The following AREL1 variants were observed in gnomAD, a reference collection of about 807,000 sequenced individuals.
AREL1 encodes apoptosis-resistant E3 ubiquitin protein ligase 1.
AREL1 carries 62 observed loss-of-function variants against 99.0 expected under a neutral mutation model. That is an observed-to-expected ratio of 0.63 (90% CI 0.51 to 0.77). AREL1 has a LOEUF of 0.77. AREL1 is among the 30% of genes least tolerant of loss of function. The pLI is 0.00. For missense variants in AREL1, 879 were observed against 1,027.6 expected (o/e 0.86, Z 1.98); for synonymous variants, 380 against 376.5 (o/e 1.01, Z -0.11).
intron 5 of AREL1, among the ~76,000 whole-genome samples, chr14:74,679,309 C>A (rs1254541804): frequency 6.6e-6 from 1 of 151,890 alleles, no homozygotes; most frequent in African/African-American, 2.4e-5. Context: ...ACAGTCCCAG[C>A]AACTTGGGAG....
intron 5 of AREL1, among the ~76,000 whole-genome samples, chr14:74,679,106 C>T (rs561633129): frequency 2.0e-4 from 31 of 152,274 alleles, no homozygotes; most frequent in African/African-American, 7.5e-4. Flanking sequence ...CACTATGTTG[C>T]CCAGGCCGGT....
Position 74,672,726 on chromosome 14 carries a change from C to T in AREL1, c.1422+105G>A, listed in dbSNP as rs2089377746. 3 of 1,491,792 alleles carry T rather than the reference C, an allele frequency of 2.0e-6. No individual in the cohort carries two copies. In the Admixed American group the frequency reaches 5.5e-5, roughly 27 times the overall value. The allele number at this position is 1,491,792 out of a possible 1,614,324, so 92.4% of individuals were successfully genotyped here. A position where few individuals can be genotyped will look rare whatever the true frequency, so the allele number is the denominator to read the frequency against. The stretch of plus-strand genomic sequence containing the variant: ...CCCCAGCCTGGGCAATAGAGTGAGA[C>T]CCTATCTCCCAAACAAAAACAAAAA... On this transcript the variant is annotated intron_variant, in intron 11 of 19. Coordinates refer to ENST00000356357, the MANE Select transcript of AREL1 (RefSeq NM_001039479.2).
chr14:74,712,850 C>T, intron 1 of AREL1, 83 bp downstream of exon 1: 1 of 466,982 alleles, frequency 2.1e-6, no homozygotes, highest in Non-Finnish European at 4.0e-6. Flanking sequence ...CTGAACCCCC[C>T]TACCCTTTTC....
At position 74,673,093 on chromosome 14, in the gene AREL1, G is replaced by C. The variant is rs1359325029; in HGVS notation, c.1284C>G (p.Ser428=). 1.2e-6 allele frequency: 2 copies of C among 1,614,154 alleles called. No homozygotes were observed. Among genetic ancestry groups the C allele is most frequent in the Non-Finnish European group, 1.7e-6 (2 of 1,180,016 alleles). ...TAACCTCACCTATGTTCTTATGCAG[G>C]GAGCGGATAAAAGTGGCTGCTAGAA... The part of the protein sequence containing the change: ...RNILAATFIR[S]LHKNIGGSET... Residue 428 remains serine (S), a synonymous_variant, in exon 10 of 20, where the codon TCC becomes TCG. Transcript: ENST00000356357.
intron 5 of AREL1, among the ~76,000 whole-genome samples, 169 bp from the exon 6 acceptor site, chr14:74,676,921 C>T (rs929255215): frequency 3.3e-5 from 5 of 151,984 alleles, no homozygotes; most frequent in South Asian, 2.1e-4. Context: ...CTCAGCCTCC[C>T]GAGTAGCTGG....
intron 5 of AREL1, among the ~76,000 whole-genome samples, chr14:74,678,898 C>A (rs2089560214): frequency 6.6e-6 from 1 of 152,084 alleles, no homozygotes; most frequent in African/African-American, 2.4e-5. Flanking sequence ...GGATTTCTTT[C>A]TTTCTTTTTT....
rs770255987 is a variant in AREL1, at chr14:74,713,060, T to G, written c.-461A>C. 1 of 1,540,396 alleles carries G rather than the reference T, an allele frequency of 6.5e-7. No individual in the cohort carries two copies. The highest frequency in any genetic ancestry group is 9.0e-7 in the Non-Finnish European group (1 of 1,113,930). ...CCCCAGAGTTGGTCTCCACCCGGCCTGGGAACCGGCTCGGGGGATTGCCCT... is the reference window on the plus strand; with the variant it reads ...CCCCAGAGTTGGTCTCCACCCGGCCGGGGAACCGGCTCGGGGGATTGCCCT... On this transcript the variant is annotated 5_prime_UTR_variant, in exon 1 of 20. Coordinates refer to ENST00000356357, the MANE Select transcript of AREL1 (RefSeq NM_001039479.2).
chr14:74,672,485 C>T (rs2089371453), intron 11 of AREL1, among the ~76,000 whole-genome samples: 1 of 152,014 alleles, frequency 6.6e-6, no homozygotes, highest in Admixed American at 6.6e-5. Context: ...GCCTGTAATC[C>T]CAACACTTTG....
chr14:74,661,409 T>C lies in AREL1; in HGVS notation c.*2311A>G, dbSNP rs2089073658. On this transcript the variant is annotated 3_prime_UTR_variant, in exon 20 of 20. Coordinates refer to ENST00000356357, the MANE Select transcript of AREL1 (RefSeq NM_001039479.2). ...TGACACTCTCCTAGGTATTCACTCA[T>C]GTCTGGTCTCCTTCAAAGACGCTAA... is the stretch of plus-strand genomic sequence containing the variant. 6.8e-6 allele frequency: 3 copies of C among 442,836 alleles called. No individual in the cohort carries two copies. Among genetic ancestry groups the C allele is most frequent in the South Asian group, 1.6e-5 (1 of 62,418 alleles). 27.4% of individuals were successfully genotyped at this position (442,836 alleles called of 1,614,324 possible).
At position 74,663,451 on chromosome 14, in the gene AREL1, A is replaced by C; in HGVS notation, c.*269T>G. 2.2e-6 allele frequency: 1 copy of C among 463,262 alleles called. No homozygotes were observed. The highest frequency in any genetic ancestry group is 2.2e-5 in the South Asian group (1 of 46,314). 28.7% of individuals were successfully genotyped at this position (463,262 alleles called of 1,614,324 possible). ...CAGCTACTGAGATCTTCAAAGGACC[A>C]AATAAATGATAGCAGCATGGTCCTC... On this transcript the variant is annotated 3_prime_UTR_variant, in exon 20 of 20. Coordinates refer to ENST00000356357, the MANE Select transcript of AREL1 (RefSeq NM_001039479.2).
At chr14:74,711,870 T>C (rs2090298797) in intron 1 of AREL1, 1 of 151,674 alleles carries the variant, frequency 6.6e-6, no homozygotes, top group Non-Finnish European at 1.5e-5. Context: ...TGTTAAACAA[T>C]AAACGTGTTT....
intron 15 of AREL1, among the ~76,000 whole-genome samples, chr14:74,668,849 T>A (rs1566679079): frequency 6.6e-6 from 1 of 152,244 alleles, no homozygotes; most frequent in African/African-American, 2.4e-5. Flanking sequence ...ATCGGAAATA[T>A]CTCTGGGCCA....
intron 5 of AREL1, among the ~76,000 whole-genome samples, chr14:74,680,949 A>G (rs141405253): frequency 0.011 from 1,744 of 151,812 alleles, 32 homozygotes; most frequent in African/African-American, 0.039. Context: ...TTGGGAGGCC[A>G]AGGCAGGAGG....
intron 1 of AREL1, among the ~76,000 whole-genome samples, chr14:74,707,177 G>A (rs1395668117): frequency 6.6e-6 from 1 of 151,346 alleles, no homozygotes; most frequent in African/African-American, 2.4e-5. Context: ...AGACCAGCCT[G>A]GCCAACATGG....
rs1315542861 is a variant in AREL1 at position 74,673,103 on chromosome 14, A to G, written c.1274T>C (p.Phe425Ser). ...TATGTTCTTATGCAGGGAGCGGATA[A>G]AAGTGGCTGCTAGAATGTTCCTCTC... Reference protein sequence around the residue: ...CKERNILAATFIRSLHKNIGG... With the variant: ...CKERNILAATSIRSLHKNIGG... Residue 425 changes from phenylalanine to serine, a missense_variant, in exon 10 of 20, where the codon TTT becomes TCT. By Grantham distance (155) the Phe-to-Ser change is radical. Coordinates refer to ENST00000356357, the MANE Select transcript of AREL1 (RefSeq NM_001039479.2). 6.2e-7 allele frequency: 1 copy of G among 1,614,072 alleles called. No homozygotes were observed. The highest frequency in any genetic ancestry group is 1.3e-5 in the African/African-American group (1 of 74,932).
intron 1 of AREL1, among the ~76,000 whole-genome samples, chr14:74,700,874 C>T (rs1159029022): frequency 6.6e-6 from 1 of 152,092 alleles, no homozygotes; most frequent in African/African-American, 2.4e-5. Flanking sequence ...TGTTTTTTAA[C>T]CGAGAGAGAA....
At chr14:74,670,203 A>G (rs2089303734) in intron 13 of AREL1, 77 bp from the exon 14 acceptor site, 5 of 1,414,564 alleles carry the variant, frequency 3.5e-6, no homozygotes, top group Non-Finnish European at 4.8e-6. Context: ...TCCTTCCCCA[A>G]CCCCATGCCA....
rs1250200090 is a variant in AREL1, at chr14:74,694,961, C to T, written c.-333-2633G>A. Among the ~76,000 whole-genome samples, 8 of 142,088 alleles carry T rather than the reference C, an allele frequency of 5.6e-5. No individual in the cohort carries two copies. The Admixed American group carries it at 5.8e-4, about 10-fold the overall frequency. 93.2% of individuals were successfully genotyped at this position (142,088 alleles called of 152,430 possible). A position where few individuals can be genotyped will look rare whatever the true frequency, so the allele number is the denominator to read the frequency against. ...CCAAGATTGCGCCACTGCACTCCAGCCTGGGCGATAGAGTGAGACTCTGTC... is the reference window on the plus strand; with the variant it reads ...CCAAGATTGCGCCACTGCACTCCAGTCTGGGCGATAGAGTGAGACTCTGTC... On this transcript the variant is annotated intron_variant, in intron 1 of 19. Coordinates refer to ENST00000356357, the MANE Select transcript of AREL1 (RefSeq NM_001039479.2).
chr14:74,662,403 A>C lies in AREL1; in HGVS notation c.*1317T>G. The C allele has an allele frequency of 2.5e-6, 1 of 394,752 alleles. No homozygotes were observed. Among genetic ancestry groups the C allele is most frequent in the Non-Finnish European group, 4.5e-6 (1 of 223,832 alleles). 24.5% of individuals were successfully genotyped at this position (394,752 alleles called of 1,614,324 possible). ...CCATTGGGAATGGTAGCTTGCAGCA[A>C]AGCCTTCTTAAAAACACAAATTTGG... On this transcript the variant is annotated 3_prime_UTR_variant, in exon 20 of 20. Coordinates refer to ENST00000356357, the MANE Select transcript of AREL1 (RefSeq NM_001039479.2).
Sources: allele counts gnomAD v4.1 joint callset (sites outside exome capture counted in the v4.1 genomes callset), GRCh38; gene constraint gnomAD v4.1.1; transcripts MANE v1.5; gene names NCBI Gene and HGNC (gene_info 2026-07-23, HGNC 2026-07-21).